The following SH3RF1 variants were observed in gnomAD, a reference collection of about 807,000 sequenced individuals.
SH3RF1 encodes the protein SH3 domain containing ring finger 1, also known as E3 ubiquitin-protein ligase SH3RF1.
A neutral mutation model predicts 74.0 loss-of-function variants in SH3RF1; 32 were observed. The ratio of observed to expected loss-of-function variants is 0.43; its 90% CI spans 0.33 to 0.58. The LOEUF (loss-of-function observed/expected upper bound fraction) is 0.58. Among genes scored for constraint, SH3RF1 ranks in the 20% least tolerant of loss-of-function variants. The pLI is 0.05. For missense variants in SH3RF1, 954 were observed against 1,130.9 expected (o/e 0.84, Z 2.24); for synonymous variants, 396 against 439.6 (o/e 0.90, Z 1.24).
At chr4:169,193,035 T>C (rs550136065) in intron 2 of SH3RF1, among the ~76,000 whole-genome samples, 1 of 151,962 alleles carries the variant, frequency 6.6e-6, no homozygotes, top group East Asian at 1.9e-4. Flanking sequence ...AACTCAGGAA[T>C]GAAAAACCAA....
At chr4:169,246,221 T>C (rs1730993062) in intron 2 of SH3RF1, among the ~76,000 whole-genome samples, 1 of 152,250 alleles carries the variant, frequency 6.6e-6, no homozygotes, top group Non-Finnish European at 1.5e-5. Flanking sequence ...GAAATAAGAC[T>C]CAGCTACAGT....
At chr4:169,230,951 A>T (rs1730728395) in intron 2 of SH3RF1, among the ~76,000 whole-genome samples, 1 of 152,190 alleles carries the variant, frequency 6.6e-6, no homozygotes, top group East Asian at 1.9e-4. Context: ...AAGTATAAAC[A>T]ATAGGCTCAA....
chr4:169,238,024 T>C (rs950508382), intron 2 of SH3RF1, among the ~76,000 whole-genome samples: 5 of 152,152 alleles, frequency 3.3e-5, no homozygotes, highest in Admixed American at 2.0e-4. Flanking sequence ...CTCCTCTTAA[T>C]AATTTTCCCC....
intron 10 of SH3RF1, among the ~76,000 whole-genome samples, chr4:169,109,323 G>A (rs1017809498): frequency 1.2e-4 from 19 of 152,186 alleles, no homozygotes; most frequent in Admixed American, 6.5e-4. Flanking sequence ...TAACTCAACG[G>A]CACTCAGGGA....
intron 2 of SH3RF1, among the ~76,000 whole-genome samples, chr4:169,214,875 G>C (rs1476806174): frequency 6.6e-6 from 1 of 151,866 alleles, no homozygotes; most frequent in East Asian, 1.9e-4. Flanking sequence ...CAATTCTTTT[G>C]GATTTTCTAC....
chr4:169,255,276 AT>A (rs1731167804), intron 2 of SH3RF1, among the ~76,000 whole-genome samples: 1 of 152,260 alleles, frequency 6.6e-6, no homozygotes, highest in Non-Finnish European at 1.5e-5. Flanking sequence ...CCATTAAAAA[AT>A]ATATAAATTT....
In SH3RF1 at chr4:169,116,416, C is replaced by T. The variant is rs767250258; in HGVS notation, c.1992G>A (p.Leu664=). 2.5e-6 allele frequency: 4 copies of T among 1,614,172 alleles called. No individual in the cohort carries two copies. The East Asian group carries it at 8.9e-5, about 36-fold the overall frequency. Residue 664 remains leucine, a synonymous_variant, in exon 10 of 12, where the codon CTG becomes CTA. Transcript: ENST00000284637. ...APLACAAAAP[L]TSPSITSASL... Reference sequence around the variant, plus strand: ...AAGCACTGGTGATGCTTGGGGAAGTCAGTGGAGCAGCTGCTGCACAGGCCA... The same window carrying T: ...AAGCACTGGTGATGCTTGGGGAAGTTAGTGGAGCAGCTGCTGCACAGGCCA...
At chr4:169,117,963 A>C (rs1465143694) in intron 8 of SH3RF1, among the ~76,000 whole-genome samples, 181 bp from the exon 9 acceptor site, 3 of 152,258 alleles carry the variant, frequency 2.0e-5, no homozygotes, top group African/African-American at 7.2e-5. Flanking sequence ...AGACAGAGAA[A>C]GGTCTTGAAA....
intron 2 of SH3RF1, among the ~76,000 whole-genome samples, chr4:169,174,434 T>G (rs1039880839): frequency 2.6e-5 from 4 of 152,180 alleles, no homozygotes; most frequent in Admixed American, 6.5e-5. Flanking sequence ...ATACATAGTC[T>G]GATTCAGTAC....
At chr4:169,148,245 G>C (rs894563473) in intron 4 of SH3RF1, among the ~76,000 whole-genome samples, 2 of 152,214 alleles carry the variant, frequency 1.3e-5, no homozygotes, top group African/African-American at 2.4e-5. Flanking sequence ...AGAAGTCTAG[G>C]GAAGCGATGA....
In SH3RF1 at chr4:169,119,278, A is replaced by ATTTT. The variant is rs11397253; in HGVS notation, c.1518-1500_1518-1497dup. On this transcript the variant is annotated intron_variant, in intron 8 of 11. Coordinates refer to ENST00000284637, the MANE Select transcript of SH3RF1 (RefSeq NM_020870.4). ...GCCACCATGCCTGGCTAATTTTTGT[A>ATTTT]TTTTTTTTTTTTTTTTTTTTTTTTT... is the stretch of plus-strand genomic sequence containing the variant. Among the ~76,000 whole-genome samples, 77 of 66,396 alleles carry ATTTT rather than the reference A, an allele frequency of 1.2e-3. 3 individuals are homozygous for ATTTT. The highest frequency in any genetic ancestry group is 1.7e-3 in the Non-Finnish European group (62 of 35,528). 43.6% of individuals were successfully genotyped at this position (66,396 alleles called of 152,430 possible). A position where few individuals can be genotyped will look rare whatever the true frequency, so the allele number is the denominator to read the frequency against.
chr4:169,220,637 C>A (rs1291588106), intron 2 of SH3RF1, among the ~76,000 whole-genome samples: 1 of 152,162 alleles, frequency 6.6e-6, no homozygotes, highest in East Asian at 1.9e-4. Context: ...CACCTGGGCA[C>A]CCAGCTCCAA....
At chr4:169,138,877 A>C (rs1457902507) in intron 4 of SH3RF1, among the ~76,000 whole-genome samples, 2 of 152,184 alleles carry the variant, frequency 1.3e-5, no homozygotes, top group Non-Finnish European at 2.9e-5. Flanking sequence ...TCTCAACAGA[A>C]CAATACTGGG....
At chr4:169,168,249 A>G (rs1561042807) in intron 2 of SH3RF1, among the ~76,000 whole-genome samples, 1 of 152,348 alleles carries the variant, frequency 6.6e-6, no homozygotes, top group East Asian at 1.9e-4. Flanking sequence ...TATGGAGATT[A>G]ATGCACATAA....
At chr4:169,102,200 T>C (rs553066751) in intron 11 of SH3RF1, among the ~76,000 whole-genome samples, 1 of 152,182 alleles carries the variant, frequency 6.6e-6, no homozygotes, top group African/African-American at 2.4e-5. Flanking sequence ...GGCATAACCA[T>C]ACTAGTTCCC....
At chr4:169,173,610 T>C (rs1177390209) in intron 2 of SH3RF1, among the ~76,000 whole-genome samples, 4 of 152,164 alleles carry the variant, frequency 2.6e-5, no homozygotes, top group East Asian at 1.9e-4. Flanking sequence ...TGAGGCGCTG[T>C]AGATCCTGGG....
chr4:169,126,969 T>C (rs1327419419), intron 6 of SH3RF1, among the ~76,000 whole-genome samples: 1 of 152,244 alleles, frequency 6.6e-6, no homozygotes, highest in East Asian at 1.9e-4. Flanking sequence ...CTGACTACCT[T>C]ATAATACCTT....
chr4:169,103,528 C>A (rs924709576), intron 11 of SH3RF1, among the ~76,000 whole-genome samples: 9 of 152,174 alleles, frequency 5.9e-5, no homozygotes, highest in Admixed American at 1.3e-4. Flanking sequence ...ATCTTTCCTT[C>A]ATTTTCAGCA....
intron 2 of SH3RF1, among the ~76,000 whole-genome samples, chr4:169,184,315 C>T (rs2126980864): frequency 6.6e-6 from 1 of 152,286 alleles, no homozygotes; most frequent in South Asian, 2.1e-4. Flanking sequence ...ATCAGCAATA[C>T]CAGAGCACAT....
Sources: gnomAD v4.1 joint callset for allele counts (sites outside exome capture counted in the v4.1 genomes callset) on GRCh38, gnomAD v4.1.1 for gene constraint, MANE v1.5 for transcripts, NCBI Gene and HGNC (gene_info 2026-07-23, HGNC 2026-07-21) for gene names.